The following ZRANB1 variants were observed in gnomAD, a reference collection of about 807,000 sequenced individuals.
ZRANB1 encodes zinc finger RANBP2-type containing 1.
ZRANB1 carries 16 observed loss-of-function variants against 80.5 expected under a neutral mutation model. That is an observed-to-expected ratio of 0.20 (90% CI 0.13 to 0.30). ZRANB1 has a LOEUF of 0.30. Among genes scored for constraint, ZRANB1 ranks in the 10% least tolerant of loss-of-function variants. The pLI is 1.00. For missense variants in ZRANB1, 576 were observed against 862.6 expected (o/e 0.67, Z 4.16); for synonymous variants, 291 against 293.1 (o/e 0.99, Z 0.07).
At chr10:124,962,489 T>A in intron 1 of ZRANB1, 1 of 821,372 alleles carries the variant, frequency 1.2e-6, no homozygotes, top group Non-Finnish European at 1.5e-6. Flanking sequence ...TAAAGGAAAA[T>A]AAGGCAAAAC....
At chr10:124,976,763 G>A (rs1278708773) in intron 5 of ZRANB1, among the ~76,000 whole-genome samples, 5 of 151,504 alleles carry the variant, frequency 3.3e-5, no homozygotes, top group Non-Finnish European at 7.4e-5. Flanking sequence ...GTAGAGATGG[G>A]GTTTCACCAT....
chr10:124,968,186 C>T (rs559573456), intron 2 of ZRANB1, among the ~76,000 whole-genome samples: 8 of 152,120 alleles, frequency 5.3e-5, no homozygotes, highest in South Asian at 4.1e-4. Flanking sequence ...CATGAGCCAC[C>T]GTGTCTGGCC....
At chr10:124,943,510 C>T (rs1407226135) in intron 1 of ZRANB1, among the ~76,000 whole-genome samples, 1 of 141,588 alleles carries the variant, frequency 7.1e-6, no homozygotes, top group African/African-American at 2.6e-5. Context: ...TGTGTCTCCA[C>T]GCACATGCAA....
chr10:124,917,277 C>G, the ZRANB1 span: 1 of 153,256 alleles, frequency 6.5e-6, no homozygotes, highest in Non-Finnish European at 1.4e-5. Flanking sequence ...CGCCAGGTAA[C>G]CGGGCCCCGG....
the ZRANB1 span, among the ~76,000 whole-genome samples, chr10:124,934,570 T>G: frequency 1.3e-5 from 2 of 152,224 alleles, no homozygotes; most frequent in Non-Finnish European, 2.9e-5. Context: ...ATTTTGCGGC[T>G]TTTAGTAGTC....
chr10:124,974,396 T>C lies in ZRANB1; in HGVS notation c.1425T>C (p.His475=), dbSNP rs1021198440. ...ALHDSLHDCS[H]WFYTRWKDWE... is the part of the protein sequence containing the mutation. ...ATGACAGCCTGCATGACTGTTCACA[T>C]TGGTGAGCTGGCATTCTGCCCTGTT... Residue 475 remains histidine, a splice_region_variant and synonymous_variant, in exon 5 of 9, where the codon CAT becomes CAC. Transcript: ENST00000359653. 1 of 1,614,230 alleles carries C rather than the reference T, an allele frequency of 6.2e-7. No individual in the cohort carries two copies. Among genetic ancestry groups the C allele is most frequent in the Non-Finnish European group, 8.5e-7 (1 of 1,180,008 alleles).
chr10:124,977,102 C>T (rs1159465079), intron 5 of ZRANB1, among the ~76,000 whole-genome samples: 2 of 151,790 alleles, frequency 1.3e-5, no homozygotes, highest in Admixed American at 6.6e-5. Flanking sequence ...CTATGAGTGG[C>T]TGGGACTGTA....
chr10:124,978,966 A>G (rs1445147085), intron 5 of ZRANB1, among the ~76,000 whole-genome samples: 1 of 151,592 alleles, frequency 6.6e-6, no homozygotes, highest in Non-Finnish European at 1.5e-5. Context: ...TGGGAAGCTG[A>G]GGCTGGAGGA....
intron 1 of ZRANB1, among the ~76,000 whole-genome samples, chr10:124,953,132 A>G (rs1433637797): frequency 1.4e-5 from 2 of 140,568 alleles, no homozygotes; most frequent in Middle Eastern, 4.1e-3. Flanking sequence ...GGGTTTCACC[A>G]TATTGGCCAG....
At chr10:124,956,090 G>T (rs939360049) in intron 1 of ZRANB1, among the ~76,000 whole-genome samples, 3 of 152,198 alleles carry the variant, frequency 2.0e-5, no homozygotes, top group Non-Finnish European at 2.9e-5. Context: ...CTAGTAATGT[G>T]CCTTTTTATG....
rs6597867 is a variant in ZRANB1, at chr10:124,983,901, A to C, written c.1908+213A>C. On this transcript the variant is annotated intron_variant, in intron 8 of 8. Coordinates refer to ENST00000359653, the MANE Select transcript of ZRANB1 (RefSeq NM_017580.3). This position sits in a 1 kb window ranked among gnomAD's most constrained non-coding sequence, Gnocchi z 6.2. ...GGAACTTAAGGTGGTGATGGGTTTT[A>C]AGAAGAAAAAGTAAAGATGAGGTTT... Among the ~76,000 whole-genome samples the C allele has an allele frequency of 0.79, 119,537 of 151,642 alleles. 48,522 individuals carry two copies. The highest frequency in any genetic ancestry group is 0.95 in the East Asian group (4,897 of 5,156).
chr10:124,942,982 G>A lies in ZRANB1; in HGVS notation c.489G>A (p.Trp163Ter), dbSNP rs1263387555. ...WTCSVCTYEN[W>*]AKAKRCVVCD... The stretch of plus-strand genomic sequence containing the variant: ...GCTCTGTTTGCACATATGAAAACTG[G>A]GCCAAGGCTAAAAGATGTGTTGTTT... The change falls in exon 1 of 9, where the codon TGG becomes TGA. Residue 163 changes from tryptophan to a stop codon, truncating the protein, a stop_gained. Coordinates refer to ENST00000359653, the MANE Select transcript of ZRANB1 (RefSeq NM_017580.3). LOFTEE classifies it high-confidence loss of function. The A allele has an allele frequency of 6.2e-7, 1 of 1,614,116 alleles. No individual in the cohort carries two copies. The highest frequency in any genetic ancestry group is 8.5e-7 in the Non-Finnish European group (1 of 1,180,008).
the ZRANB1 span, among the ~76,000 whole-genome samples, chr10:124,932,097 G>C: frequency 3.9e-5 from 6 of 152,186 alleles, no homozygotes; most frequent in South Asian, 1.2e-3. Context: ...CTGTCACTTA[G>C]TAGTATGCAT....
chr10:124,945,689 G>A (rs1951576395), intron 1 of ZRANB1: 1 of 152,172 alleles, frequency 6.6e-6, no homozygotes, highest in Admixed American at 6.5e-5. Context: ...ACACAAGTTA[G>A]ATGAATCAAC....
chr10:124,973,233 G>T (rs1264006039), intron 3 of ZRANB1, among the ~76,000 whole-genome samples: 1 of 152,154 alleles, frequency 6.6e-6, no homozygotes, highest in Non-Finnish European at 1.5e-5. Flanking sequence ...GCTCATTGCA[G>T]CCTTGGCCTC....
chr10:124,984,821 C>T lies in ZRANB1; in HGVS notation c.1956C>T (p.Asp652=), dbSNP rs766792261. The change falls in exon 9 of 9, where the codon GAC becomes GAT. Residue 652 remains aspartate, a synonymous_variant. Transcript: ENST00000359653. ...QQEKLLREWL[D]CCVTEGGVLV... is the part of the protein sequence containing the mutation. ...AAAAACTGCTCAGGGAGTGGCTGGA[C>T]TGCTGTGTGACGGAGGGGGGAGTTC... 1.2e-6 allele frequency: 2 copies of T among 1,613,892 alleles called. No individual in the cohort carries two copies. The highest frequency in any genetic ancestry group is 2.7e-5 in the African/African-American group (2 of 74,916).
intron 1 of ZRANB1, among the ~76,000 whole-genome samples, chr10:124,965,714 T>C (rs1045460022): frequency 2.0e-5 from 3 of 152,188 alleles, no homozygotes; most frequent in African/African-American, 7.2e-5. Context: ...AAATAATTTT[T>C]TAAAAATTGT....
At chr10:124,927,246 C>T in the ZRANB1 span, among the ~76,000 whole-genome samples, 25 of 152,324 alleles carry the variant, frequency 1.6e-4, no homozygotes, top group African/African-American at 5.8e-4. Flanking sequence ...TGAGCCACCG[C>T]GCCCGGCCCT....
In ZRANB1 at chr10:124,943,152, C is replaced by T. The variant is rs778584834; in HGVS notation, c.659C>T (p.Thr220Met). 9.3e-6 allele frequency: 15 copies of T among 1,614,036 alleles called. No individual in the cohort carries two copies. Among genetic ancestry groups the T allele is most frequent in the Middle Eastern group, 1.6e-4 (1 of 6,084 alleles). The change falls in exon 1 of 9, where the codon ACG becomes ATG. Residue 220 changes from threonine to methionine, a missense_variant. Coordinates refer to ENST00000359653, the MANE Select transcript of ZRANB1 (RefSeq NM_017580.3). ...AGCCAAAGGAGATCACCTCCTGCTA[C>T]GAAGCGGGACTCTGAAGTGAAAATG... is the stretch of plus-strand genomic sequence containing the variant. ...GNSQRRSPPATKRDSEVKMDF... is the reference protein window; with the variant it reads ...GNSQRRSPPAMKRDSEVKMDF...
Sources: allele counts gnomAD v4.1 joint callset (sites outside exome capture counted in the v4.1 genomes callset), GRCh38; gene constraint gnomAD v4.1.1; non-coding constraint Gnocchi (gnomAD v3.1); transcripts MANE v1.5; gene names NCBI Gene and HGNC (gene_info 2026-07-23, HGNC 2026-07-21).